The following DFFB variants were observed in gnomAD, a reference collection of about 807,000 sequenced individuals.
The protein encoded by DFFB is DNA fragmentation factor 40 kDa subunit.
DFFB carries 29 observed loss-of-function variants against 32.7 expected under a neutral mutation model. That is an observed-to-expected ratio of 0.89 (90% confidence interval 0.66 to 1.21). The LOEUF is 1.21. DFFB is among the 50% of genes most tolerant of loss of function. The probability of loss-of-function intolerance (pLI) is 0.00; values close to 1 mark genes in which losing one functional copy is unlikely to be tolerated. For missense variants in DFFB, 398 were observed against 440.6 expected (o/e 0.90, Z 0.87); for synonymous variants, 170 against 177.1 (o/e 0.96, Z 0.32).
At position 3,867,956 on chromosome 1, in the gene DFFB, T is replaced by C; in HGVS notation, c.431-18T>C. 1 of 1,613,868 alleles carries C rather than the reference T, an allele frequency of 6.2e-7. No individual in the cohort carries two copies. The highest frequency in any genetic ancestry group is 8.5e-7 in the Non-Finnish European group (1 of 1,179,792). On this transcript the variant is annotated intron_variant, in intron 3 of 6. Coordinates refer to ENST00000378209, the MANE Select transcript of DFFB (RefSeq NM_004402.4). ...GGCCTGCCCTGTGGACTTGGGGGTC[T>C]TCTCGTTTTCCTTGCAGGCTTGGAG...
At chr1:3,883,334 C>G (rs971295078) in intron 6 of DFFB, among the ~76,000 whole-genome samples, 173 bp from the exon 7 acceptor site, 3 of 152,202 alleles carry the variant, frequency 2.0e-5, no homozygotes, top group African/African-American at 4.8e-5. Flanking sequence ...GTAAGAGGAG[C>G]CAGGCTGCTT....
rs745710168 is a variant in DFFB at position 3,869,716 on chromosome 1, G to C, written c.622G>C (p.Asp208His). ...CATGCAGTACAATGGCAGCTACTTC[G>C]ACAGAGGAGCCAAGGGCGGCAGCCG... ...RSMQYNGSYF[D>H]RGAKGGSRLC... The change falls in exon 5 of 7, where the codon GAC becomes CAC. Residue 208 changes from aspartate (D) to histidine (H), a missense_variant. Asp to His is a moderately conservative substitution (Grantham distance 81). Transcript: ENST00000378209. The C allele has an allele frequency of 6.2e-7, 1 of 1,612,166 alleles. No individual in the cohort carries two copies. The highest frequency in any genetic ancestry group is 8.5e-7 in the Non-Finnish European group (1 of 1,179,102).
At position 3,857,584 on chromosome 1, in the gene DFFB, A is replaced by C. The variant is rs1309006534; in HGVS notation, c.-20A>C. 1 of 1,526,050 alleles carries C rather than the reference A, an allele frequency of 6.6e-7. No homozygotes were observed. The highest frequency in any genetic ancestry group is 2.1e-5 in the Admixed American group (1 of 48,420). The allele number at this position is 1,526,050 out of a possible 1,614,324, so 94.5% of individuals were successfully genotyped here. ...AGGTGCCACCGCCTGTGGGACCCAG[A>C]GGGCTTGAGGACATCTGCAATGCTC... On this transcript the variant is annotated 5_prime_UTR_variant, in exon 1 of 7. Coordinates refer to ENST00000378209, the MANE Select transcript of DFFB (RefSeq NM_004402.4).
intron 2 of DFFB, among the ~76,000 whole-genome samples, chr1:3,863,431 C>T (rs1644915772): frequency 6.6e-6 from 1 of 152,180 alleles, no homozygotes; most frequent in African/African-American, 2.4e-5. Flanking sequence ...GAAAACGGTG[C>T]AGCTGCTGTG....
In DFFB at chr1:3,884,680, CCTT is replaced by C. The variant is rs1485288457; in HGVS notation, c.*941_*943del. On this transcript the variant is annotated 3_prime_UTR_variant, in exon 7 of 7. Coordinates refer to ENST00000378209, the MANE Select transcript of DFFB (RefSeq NM_004402.4). ...CCGCCTCTCAGGTTCAAGTGGTTCT[CCTT>C]CCTCAGCCTCCCAAGTAGCTGGGAT... 2.6e-5 allele frequency: 4 copies of C among 152,338 alleles called. No individual in the cohort carries two copies. Among genetic ancestry groups the C allele is most frequent in the Middle Eastern group, 3.4e-3 (1 of 294 alleles). 9.4% of individuals were successfully genotyped at this position (152,338 alleles called of 1,614,324 possible).
intron 1 of DFFB, 46 bp downstream of exon 1, chr1:3,857,763 GGGA>G (rs764532185): frequency 9.9e-6 from 13 of 1,319,036 alleles, no homozygotes; most frequent in Non-Finnish European, 1.3e-5. Flanking sequence ...GAGGCGTGTG[GGGA>G]GAATAGGAGG....
chr1:3,874,557 A>T, intron 6 of DFFB, among the ~76,000 whole-genome samples: 1 of 64,566 alleles, frequency 1.5e-5, no homozygotes, highest in South Asian at 7.2e-4. Context: ...TAACATGCAC[A>T]TACGTGGCCT....
chr1:3,864,958 T>C (rs995896141), intron 2 of DFFB, among the ~76,000 whole-genome samples: 1 of 152,206 alleles, frequency 6.6e-6, no homozygotes, highest in African/African-American at 2.4e-5. Context: ...ATTTTTTTAC[T>C]GTTGAGTTTT....
At chr1:3,872,371 C>T in intron 5 of DFFB, 101 bp from the exon 6 acceptor site, 3 of 816,612 alleles carry the variant, frequency 3.7e-6, no homozygotes, top group South Asian at 1.5e-5. Flanking sequence ...CGAGATCGGG[C>T]CACTGCACTC....
At chr1:3,863,259 C>T (rs999489035) in intron 2 of DFFB, among the ~76,000 whole-genome samples, 14 of 152,184 alleles carry the variant, frequency 9.2e-5, no homozygotes, top group African/African-American at 3.4e-4. Context: ...GGAAGATATT[C>T]AAGTGGTCGT....
chr1:3,883,645 TAAGAA>T lies in DFFB; in HGVS notation c.924_928del (p.Lys308AsnfsTer8), dbSNP rs1313098647. On this transcript the variant is annotated frameshift_variant, in exon 7 of 7. Transcript: ENST00000378209. LOFTEE classifies it low-confidence loss of function (END_TRUNC). Reference sequence around the variant, plus strand: ...TAAAACTAGTGCACATTGTCTGCCATAAGAAAACCACCCACAAGCTCAACTGTGAC... The same window carrying T: ...TAAAACTAGTGCACATTGTCTGCCATAACCACCCACAAGCTCAACTGTGAC... 6.2e-7 allele frequency: 1 copy of T among 1,614,080 alleles called. No individual in the cohort carries two copies. The highest frequency in any genetic ancestry group is 2.2e-5 in the East Asian group (1 of 44,876).
chr1:3,883,004 CTTTTT>C (rs200251035), intron 6 of DFFB, among the ~76,000 whole-genome samples: 3 of 140,264 alleles, frequency 2.1e-5, no homozygotes, highest in Non-Finnish European at 4.6e-5. Flanking sequence ...TGACACGAGT[CTTTTT>C]TTTTTTTTTT....
At chr1:3,867,329 C>T (rs1645005166) in intron 3 of DFFB, among the ~76,000 whole-genome samples, 1 of 152,268 alleles carries the variant, frequency 6.6e-6, no homozygotes, top group African/African-American at 2.4e-5. Context: ...TCCGTCTGTT[C>T]ACTCCGCTGC....
At position 3,869,007 on chromosome 1, in the gene DFFB, C is replaced by T. The variant is rs115433787; in HGVS notation, c.511-598C>T. 5.0e-3 allele frequency among the ~76,000 whole-genome samples: 757 copies of T among 152,370 alleles called. 9 individuals carry two copies. Among genetic ancestry groups the T allele is most frequent in the African/African-American group, 0.017 (707 of 41,592 alleles). The stretch of plus-strand genomic sequence containing the variant: ...CAAGTGCAATGACCAGGCCCTTCCA[C>T]GCACCACTGCCTGCCTGACCAGGGT... On this transcript the variant is annotated intron_variant, in intron 4 of 6. Coordinates refer to ENST00000378209, the MANE Select transcript of DFFB (RefSeq NM_004402.4).
At chr1:3,857,989 G>A (rs1029465456) in intron 1 of DFFB, among the ~76,000 whole-genome samples, 1 of 152,202 alleles carries the variant, frequency 6.6e-6, no homozygotes, top group Non-Finnish European at 1.5e-5. Flanking sequence ...AGGAGACCCG[G>A]GTAGAGTGCC....
At chr1:3,879,981 C>T (rs1476978406) in intron 6 of DFFB, among the ~76,000 whole-genome samples, 1 of 152,208 alleles carries the variant, frequency 6.6e-6, no homozygotes, top group East Asian at 1.9e-4. Flanking sequence ...GGCATTCGTT[C>T]TTGAGCCCTG....
intron 2 of DFFB, chr1:3,860,481 G>C (rs745522990): frequency 2.3e-6 from 1 of 438,840 alleles, no homozygotes; most frequent in South Asian, 1.6e-5. Context: ...CTCCTGCCTT[G>C]GTCTCCTAAA....
intron 3 of DFFB, among the ~76,000 whole-genome samples, chr1:3,867,317 GC>G (rs890005893): frequency 3.3e-5 from 5 of 152,178 alleles, no homozygotes; most frequent in Non-Finnish European, 7.3e-5. Flanking sequence ...TACATGCCAC[GC>G]TCCGTCTGTT....
chr1:3,869,711 A>G lies in DFFB; in HGVS notation c.617A>G (p.Tyr206Cys), dbSNP rs1645072983. Residue 206 changes from tyrosine (Y) to cysteine (C), a missense_variant, in exon 5 of 7, where the codon TAC becomes TGC. By Grantham distance (194) the Tyr-to-Cys change is radical. Transcript: ENST00000378209. ...CGGTCCATGCAGTACAATGGCAGCT[A>G]CTTCGACAGAGGAGCCAAGGGCGGC... ...RLRSMQYNGS[Y>C]FDRGAKGGSR... 1.9e-6 allele frequency: 3 copies of G among 1,612,294 alleles called. No homozygotes were observed. Among genetic ancestry groups the G allele is most frequent in the Non-Finnish European group, 2.5e-6 (3 of 1,179,184 alleles).
Sources: allele counts gnomAD v4.1 joint callset (sites outside exome capture counted in the v4.1 genomes callset), GRCh38; gene constraint gnomAD v4.1.1; transcripts MANE v1.5; gene names NCBI Gene and HGNC (gene_info 2026-07-23, HGNC 2026-07-21).